The following CYB5R4 variants were observed in gnomAD, a reference collection of about 807,000 sequenced individuals.
CYB5R4 encodes N-terminal cytochrome b5 and cytochrome b5 oxidoreductase domain-containing protein.
A neutral mutation model predicts 70.2 loss-of-function variants in CYB5R4; 55 were observed. That is an observed-to-expected ratio of 0.78 (90% confidence interval 0.63 to 0.98). The LOEUF (loss-of-function observed/expected upper bound fraction) is 0.98, where lower values mean the gene tolerates loss of function less well. Ranked by LOEUF, CYB5R4 falls within the 50% of genes least tolerant of loss-of-function variation. The pLI is 0.00. For missense variants in CYB5R4, 562 were observed against 612.6 expected, an observed-to-expected ratio of 0.92 and a Z score of 0.87; for synonymous variants, 197 against 199.5, an observed-to-expected ratio of 0.99 and a Z score of 0.11.
chr6:83,900,949 AG>A (rs2099462837), intron 3 of CYB5R4, among the ~76,000 whole-genome samples: 1 of 152,174 alleles, frequency 6.6e-6, no homozygotes, highest in Non-Finnish European at 1.5e-5. Flanking sequence ...TTTTAATTGG[AG>A]CATTCAGCCC....
intron 2 of CYB5R4, among the ~76,000 whole-genome samples, chr6:83,870,323 G>A: frequency 6.6e-6 from 1 of 152,220 alleles, no homozygotes; most frequent in Non-Finnish European, 1.5e-5. Flanking sequence ...CTATGAACAA[G>A]GATAACCAAC....
chr6:83,936,180 G>A, intron 11 of CYB5R4, 44 bp from the exon 12 acceptor site: 1 of 1,413,606 alleles, frequency 7.1e-7, no homozygotes, highest in Non-Finnish European at 9.5e-7. Flanking sequence ...TGAGATTTTT[G>A]GATTTTTAGA....
chr6:83,955,328 T>G lies in CYB5R4; in HGVS notation c.1377T>G (p.Pro459=). The change falls in exon 15 of 16, where the codon CCT becomes CCG. Residue 459 remains proline (P), a synonymous_variant. Coordinates refer to ENST00000369681, the MANE Select transcript of CYB5R4 (RefSeq NM_016230.4). The part of the protein sequence containing the change: ...RLDVEFVLSA[P]ISEWNGKQGH... Reference sequence around the variant, plus strand: ...ATGTTGAATTTGTTCTCTCAGCACCTATTTCTGAATGGAATGGCAAACAGG... The same window carrying G: ...ATGTTGAATTTGTTCTCTCAGCACCGATTTCTGAATGGAATGGCAAACAGG... The G allele has an allele frequency of 3.1e-6, 5 of 1,613,822 alleles. No homozygotes were observed. The highest frequency in any genetic ancestry group is 4.2e-6 in the Non-Finnish European group (5 of 1,179,832).
At chr6:83,955,183 G>T in intron 14 of CYB5R4, 115 bp from the exon 15 acceptor site, 1 of 775,568 alleles carries the variant, frequency 1.3e-6, no homozygotes. Flanking sequence ...GCAAGTAAGT[G>T]TATCTTTATA....
chr6:83,901,990 G>C (rs1562834469), intron 3 of CYB5R4, among the ~76,000 whole-genome samples: 1 of 151,910 alleles, frequency 6.6e-6, no homozygotes, highest in African/African-American at 2.4e-5. Context: ...TCACTCTCTT[G>C]ATTGTTTCCT....
rs984098629 is a variant in CYB5R4, at chr6:83,924,481, G to T, written c.703G>T (p.Glu235Ter). 6.2e-7 allele frequency: 1 copy of T among 1,613,486 alleles called. No homozygotes were observed. The highest frequency in any genetic ancestry group is 1.7e-5 in the Admixed American group (1 of 59,978). ...TATCTTCTTTTCAGTGCGGGTTGTT[G>T]AGAGTGTGGGAAAAATAGAGATTGT... ...VQEDFSVRVV[E>*]SVGKIEIVLQ... Residue 235 changes from glutamate to a stop codon, truncating the protein, a stop_gained, in exon 10 of 16, where the codon GAG (glutamate) becomes TAG (stop). Coordinates refer to ENST00000369681, the MANE Select transcript of CYB5R4 (RefSeq NM_016230.4). LOFTEE classifies it high-confidence loss of function.
intron 1 of CYB5R4, among the ~76,000 whole-genome samples, chr6:83,862,596 A>G (rs2099456131): frequency 6.6e-6 from 1 of 152,338 alleles, no homozygotes; most frequent in South Asian, 2.1e-4. Flanking sequence ...GAAAGGAGCA[A>G]AAGTTAGAAC....
chr6:83,920,004 T>G (rs1204757513), intron 7 of CYB5R4, among the ~76,000 whole-genome samples: 1 of 152,102 alleles, frequency 6.6e-6, no homozygotes, highest in Admixed American at 6.6e-5. Context: ...GGGAGGTAGT[T>G]CATTCACTAA....
At chr6:83,931,101 T>C (rs2099468075) in intron 10 of CYB5R4, among the ~76,000 whole-genome samples, 1 of 152,244 alleles carries the variant, frequency 6.6e-6, no homozygotes, top group African/African-American at 2.4e-5. Context: ...ATATGCTCAC[T>C]GAAGTAGGAC....
At chr6:83,879,690 A>G (rs1306665715) in intron 2 of CYB5R4, among the ~76,000 whole-genome samples, 1 of 152,100 alleles carries the variant, frequency 6.6e-6, no homozygotes, top group Non-Finnish European at 1.5e-5. Flanking sequence ...CTGTGCTACC[A>G]GTGGGCCTTT....
intron 2 of CYB5R4, among the ~76,000 whole-genome samples, chr6:83,884,922 A>T (rs1486411164): frequency 6.6e-6 from 1 of 152,162 alleles, no homozygotes; most frequent in African/African-American, 2.4e-5. Context: ...ATTATTTTTT[A>T]ATCTTATCAC....
intron 14 of CYB5R4, among the ~76,000 whole-genome samples, chr6:83,943,738 A>G (rs1269668322): frequency 1.3e-5 from 2 of 152,076 alleles, no homozygotes; most frequent in Non-Finnish European, 2.9e-5. Context: ...GTATCTAACT[A>G]GAATAACCAG....
At chr6:83,899,868 T>C (rs1012986167) in intron 3 of CYB5R4, among the ~76,000 whole-genome samples, 8 of 152,192 alleles carry the variant, frequency 5.3e-5, no homozygotes, top group African/African-American at 1.9e-4. Context: ...TCTTCTTTAG[T>C]AGTCTTGCTA....
chr6:83,868,794 A>G (rs1289582502), intron 2 of CYB5R4, among the ~76,000 whole-genome samples: 2 of 152,110 alleles, frequency 1.3e-5, no homozygotes, highest in South Asian at 2.1e-4. Context: ...TTTTACTGTA[A>G]TATGATATGT....
intron 14 of CYB5R4, among the ~76,000 whole-genome samples, chr6:83,946,798 G>T (rs2099470683): frequency 6.6e-6 from 1 of 152,112 alleles, no homozygotes; most frequent in Non-Finnish European, 1.5e-5. Context: ...AATCATGAGT[G>T]AACTCCCATT....
At chr6:83,887,685 G>A (rs1392079267) in intron 2 of CYB5R4, among the ~76,000 whole-genome samples, 1 of 146,912 alleles carries the variant, frequency 6.8e-6, no homozygotes, top group Non-Finnish European at 1.5e-5. Context: ...TGGCTCTTCT[G>A]AACAGTTCTC....
chr6:83,877,077 G>A lies in CYB5R4; in HGVS notation c.229+12749G>A, dbSNP rs144281174. ...GATCTCCTGACCTTGTGATCCACCC[G>A]CCTCGGCCTCCCAAAGTGCTGGGAT... On this transcript the variant is annotated intron_variant, in intron 2 of 15. Transcript: ENST00000369681. 6.1e-3 allele frequency among the ~76,000 whole-genome samples: 935 copies of A among 152,212 alleles called. 3 individuals are homozygous for A. Among genetic ancestry groups the A allele is most frequent in the Non-Finnish European group, 9.8e-3 (664 of 68,016 alleles).
At chr6:83,880,352 A>AT (rs1358265270) in intron 2 of CYB5R4, among the ~76,000 whole-genome samples, 1 of 152,030 alleles carries the variant, frequency 6.6e-6, no homozygotes, top group African/African-American at 2.4e-5. Context: ...ATTGGCTTTA[A>AT]TTTTTTTTGC....
intron 2 of CYB5R4, among the ~76,000 whole-genome samples, chr6:83,885,617 A>G (rs2099460126): frequency 6.6e-6 from 1 of 152,156 alleles, no homozygotes; most frequent in Admixed American, 6.5e-5. Context: ...ACTACCTTTA[A>G]CCAAACCCTA....
Sources: gnomAD v4.1 joint callset for allele counts (sites outside exome capture counted in the v4.1 genomes callset) on GRCh38, gnomAD v4.1.1 for gene constraint, MANE v1.5 for transcripts, NCBI Gene and HGNC (gene_info 2026-07-23, HGNC 2026-07-21) for gene names.